SCUBE1: variants seen among roughly 807,000 people sequenced by gnomAD.
SCUBE1 encodes signal peptide, CUB and EGF-like domain-containing protein 1.
Under a neutral mutation model 124.4 loss-of-function variants are expected in SCUBE1, and 59 were observed. That is an observed-to-expected ratio of 0.47 (90% confidence interval 0.38 to 0.59). SCUBE1 has a LOEUF of 0.59. Ranked by LOEUF, SCUBE1 falls within the 20% of genes least tolerant of loss-of-function variation. The pLI, the probability that SCUBE1 is intolerant of heterozygous loss-of-function variation, is 0.00. For missense variants in SCUBE1, 1,150 were observed against 1,371.2 expected (o/e 0.84, Z 2.55); for synonymous variants, 545 against 550.9 (o/e 0.99, Z 0.15).
At chr22:43,212,349 G>A (rs1921600315) in intron 17 of SCUBE1, 76 bp downstream of exon 17, 2 of 1,451,448 alleles carry the variant, frequency 1.4e-6, no homozygotes, top group African/African-American at 2.8e-5. Flanking sequence ...AGATGAGAGG[G>A]GTTCGGGGAA....
chr22:43,246,678 C>T (rs976086196), intron 6 of SCUBE1, among the ~76,000 whole-genome samples: 1 of 152,264 alleles, frequency 6.6e-6, no homozygotes, highest in Non-Finnish European at 1.5e-5. Context: ...GTTATACATA[C>T]AGCTCAGCCT....
intron 3 of SCUBE1, chr22:43,317,137 G>A (rs1251610886): frequency 6.6e-6 from 1 of 152,018 alleles, no homozygotes; most frequent in Non-Finnish European, 1.5e-5. Flanking sequence ...GAAAACAGGG[G>A]AAAAAAATGT....
intron 2 of SCUBE1, among the ~76,000 whole-genome samples, chr22:43,336,818 T>G (rs1927096093): frequency 6.6e-6 from 1 of 152,060 alleles, no homozygotes; most frequent in South Asian, 2.1e-4. Context: ...GAGGCAAACC[T>G]AAAGAATGAT....
chr22:43,297,315 G>A (rs1360516855), intron 3 of SCUBE1, among the ~76,000 whole-genome samples: 2 of 152,228 alleles, frequency 1.3e-5, no homozygotes, highest in Non-Finnish European at 2.9e-5. Flanking sequence ...TCCATGGGCA[G>A]TGGCTGCTGT....
At chr22:43,251,207 C>T (rs1382883373) in intron 6 of SCUBE1, among the ~76,000 whole-genome samples, 1 of 152,224 alleles carries the variant, frequency 6.6e-6, no homozygotes, top group Non-Finnish European at 1.5e-5. Context: ...ACAGCTGGGG[C>T]AGCCAGCGGA....
intron 6 of SCUBE1, among the ~76,000 whole-genome samples, chr22:43,250,082 C>G (rs971918360): frequency 6.6e-6 from 1 of 152,236 alleles, no homozygotes; most frequent in African/African-American, 2.4e-5. Flanking sequence ...GAAGTACACG[C>G]TATCACGATC....
chr22:43,338,687 G>GGT (rs1927166013), intron 2 of SCUBE1, among the ~76,000 whole-genome samples: 2 of 151,958 alleles, frequency 1.3e-5, no homozygotes, highest in Admixed American at 6.6e-5. Flanking sequence ...CACCACGCTC[G>GGT]GCTAACTTTT....
chr22:43,210,311 A>G lies in SCUBE1; in HGVS notation c.2384-71T>C, dbSNP rs1220791041. The G allele has an allele frequency of 7.4e-7, 1 of 1,356,856 alleles. No homozygotes were observed. The highest frequency in any genetic ancestry group is 9.8e-7 in the Non-Finnish European group (1 of 1,023,568). 84.1% of individuals were successfully genotyped at this position (1,356,856 alleles called of 1,614,324 possible). The stretch of plus-strand genomic sequence containing the variant: ...GGGGCCCTGGCCGGCCAGGCCTCTA[A>G]CCACCTGGGAGGCCTAGGGCAGGGC... On this transcript the variant is annotated intron_variant, in intron 18 of 21. Coordinates refer to ENST00000360835, the MANE Select transcript of SCUBE1 (RefSeq NM_173050.5). The surrounding 1 kb of genome is among the most constrained non-coding windows in gnomAD (Gnocchi z 4.5).
intron 6 of SCUBE1, among the ~76,000 whole-genome samples, chr22:43,247,263 C>T (rs532673256): frequency 8.5e-5 from 13 of 152,338 alleles, no homozygotes; most frequent in Non-Finnish European, 1.8e-4. Flanking sequence ...CTAAGCTTCT[C>T]CAGAGACTAG....
chr22:43,262,500 A>G (rs1187909016), intron 5 of SCUBE1, among the ~76,000 whole-genome samples: 1 of 152,128 alleles, frequency 6.6e-6, no homozygotes, highest in Non-Finnish European at 1.5e-5. Flanking sequence ...CTGGGGCTAC[A>G]CTGGTGGTGT....
intron 7 of SCUBE1, among the ~76,000 whole-genome samples, chr22:43,233,103 G>A (rs1043044549): frequency 6.6e-6 from 1 of 152,242 alleles, no homozygotes; most frequent in Non-Finnish European, 1.5e-5. Context: ...GGTGGCTCAT[G>A]CCTGTAATCC....
intron 3 of SCUBE1, among the ~76,000 whole-genome samples, chr22:43,303,323 T>C (rs547109662): frequency 5.2e-5 from 8 of 152,396 alleles, no homozygotes; most frequent in Admixed American, 4.6e-4. Flanking sequence ...CCTGTGGCCA[T>C]ACCCTGATCC....
chr22:43,226,626 G>A (rs572874197), intron 10 of SCUBE1, among the ~76,000 whole-genome samples: 55 of 150,416 alleles, frequency 3.7e-4, no homozygotes, highest in Non-Finnish European at 7.1e-4. Flanking sequence ...TGGAAGGGGC[G>A]GAGGGTGGGG....
Position 43,218,307 on chromosome 22 carries a change from C to T in SCUBE1, c.1839G>A (p.Leu613=), listed in dbSNP as rs2146664841. 6.2e-7 allele frequency: 1 copy of T among 1,613,398 alleles called. No individual in the cohort carries two copies. The highest frequency in any genetic ancestry group is 2.2e-5 in the East Asian group (1 of 44,894). ...CTGCGCCACATGCCCCCTGCCCCTC[C>T]AGCGCCTTGGCTGGCCTCTGGGCTA... The part of the protein sequence containing the change: ...YEVAQRPAKA[L]EGQGACGAGQ... Residue 613 remains leucine (L), a synonymous_variant, in exon 15 of 22, where the codon CTG becomes CTA. Transcript: ENST00000360835.
chr22:43,217,461 T>C (rs537350825), intron 15 of SCUBE1, among the ~76,000 whole-genome samples: 7 of 151,938 alleles, frequency 4.6e-5, no homozygotes, highest in Non-Finnish European at 7.4e-5. Flanking sequence ...TTGAAGTCTG[T>C]CTCTCCCTAG....
chr22:43,214,824 G>T (rs1025869805), intron 15 of SCUBE1, among the ~76,000 whole-genome samples: 1 of 152,204 alleles, frequency 6.6e-6, no homozygotes, highest in Non-Finnish European at 1.5e-5. Flanking sequence ...AGTAAGTAAG[G>T]AAACTGAGTA....
chr22:43,313,938 T>C (rs1045410982), intron 3 of SCUBE1, among the ~76,000 whole-genome samples: 12 of 152,248 alleles, frequency 7.9e-5, no homozygotes, highest in African/African-American at 2.9e-4. Flanking sequence ...CAGGGTTTTA[T>C]CCCAGCCCCC....
intron 2 of SCUBE1, 78 bp from the exon 3 acceptor site, chr22:43,320,143 G>A: frequency 6.4e-7 from 1 of 1,551,460 alleles, no homozygotes. Context: ...AAGCCACCGG[G>A]ATCTGAGTGA....
intron 4 of SCUBE1, among the ~76,000 whole-genome samples, chr22:43,273,563 T>TTC (rs1555885228): frequency 8.7e-6 from 1 of 114,760 alleles, no homozygotes; most frequent in Non-Finnish European, 1.8e-5. Flanking sequence ...AAAACCCTCT[T>TTC]TTTTTTTTTT....
Sources: gnomAD v4.1 joint callset for allele counts (sites outside exome capture counted in the v4.1 genomes callset) on GRCh38, gnomAD v4.1.1 for gene constraint, Gnocchi (gnomAD v3.1) non-coding constraint, MANE v1.5 for transcripts, NCBI Gene and HGNC (gene_info 2026-07-23, HGNC 2026-07-21) for gene names.